The following ALK variants were observed in gnomAD, a reference collection of about 807,000 sequenced individuals.
The protein encoded by ALK is ALK tyrosine kinase receptor.
Under a neutral mutation model 163.1 loss-of-function variants are expected in ALK, and 74 were observed. The ratio of observed to expected loss-of-function variants is 0.45; its 90% CI spans 0.38 to 0.55. The LOEUF (loss-of-function observed/expected upper bound fraction) is 0.55. Among genes scored for constraint, ALK ranks in the 20% least tolerant of loss-of-function variants. The pLI, the probability that ALK is intolerant of heterozygous loss-of-function variation, is 0.00. For missense variants in ALK, 2,063 were observed against 2,105.3 expected, an observed-to-expected ratio of 0.98 and a Z score of 0.39; for synonymous variants, 960 against 843.2, an observed-to-expected ratio of 1.14 and a Z score of -2.40.
chr2:29,643,981 A>T (rs1676797031), intron 3 of ALK, among the ~76,000 whole-genome samples: 1 of 152,104 alleles, frequency 6.6e-6, no homozygotes, highest in South Asian at 2.1e-4. Context: ...CACAACAGCA[A>T]AGACTTGGAA....
chr2:29,559,920 A>G (rs1673974831), intron 3 of ALK, among the ~76,000 whole-genome samples: 1 of 152,170 alleles, frequency 6.6e-6, no homozygotes, highest in African/African-American at 2.4e-5. Flanking sequence ...TTAAACATTT[A>G]AAATGTGGCT....
chr2:29,204,155 T>C (rs1426712773), intron 26 of ALK, among the ~76,000 whole-genome samples: 1 of 152,134 alleles, frequency 6.6e-6, no homozygotes, highest in Non-Finnish European at 1.5e-5. Context: ...ATACACGGAG[T>C]TCTCCTATAC....
At chr2:29,665,578 T>C (rs1677489829) in intron 3 of ALK, among the ~76,000 whole-genome samples, 1 of 151,978 alleles carries the variant, frequency 6.6e-6, no homozygotes, top group African/African-American at 2.4e-5. Flanking sequence ...TGTGAGTTCT[T>C]GGTGGGCTCC....
chr2:29,858,630 C>T (rs1666205807), intron 1 of ALK, among the ~76,000 whole-genome samples: 2 of 152,022 alleles, frequency 1.3e-5, no homozygotes, highest in African/African-American at 2.4e-5. Context: ...GTAGTCCCAG[C>T]TATGCCAGAG....
intron 4 of ALK, among the ~76,000 whole-genome samples, chr2:29,388,617 G>A (rs913040625): frequency 1.1e-4 from 16 of 152,172 alleles, no homozygotes; most frequent in African/African-American, 3.9e-4. Flanking sequence ...AAGGATTTTT[G>A]AGAAGGATGC....
At chr2:29,845,337 T>C (rs1665814788) in intron 1 of ALK, among the ~76,000 whole-genome samples, 2 of 152,246 alleles carry the variant, frequency 1.3e-5, no homozygotes. Context: ...ATAGGGACTC[T>C]GTAAATAAAT....
intron 2 of ALK, among the ~76,000 whole-genome samples, chr2:29,714,892 C>G (rs990773255): frequency 6.6e-6 from 1 of 152,156 alleles, no homozygotes; most frequent in Non-Finnish European, 1.5e-5. Context: ...CTTAAGGGGA[C>G]CAGACTCTTG....
At chr2:29,232,626 C>T (rs1444972204) in intron 14 of ALK, among the ~76,000 whole-genome samples, 178 bp from the exon 15 acceptor site, 1 of 152,226 alleles carries the variant, frequency 6.6e-6, no homozygotes, top group Non-Finnish European at 1.5e-5. Flanking sequence ...CCCATCGGCT[C>T]CGCCAGCTTC....
At chr2:29,360,400 G>A (rs1304486549) in intron 5 of ALK, among the ~76,000 whole-genome samples, 2 of 152,142 alleles carry the variant, frequency 1.3e-5, no homozygotes, top group Non-Finnish European at 2.9e-5. Flanking sequence ...CCTGTCCCTG[G>A]TCTAGCCTCT....
chr2:29,798,825 A>T (rs1664390149), intron 1 of ALK, among the ~76,000 whole-genome samples: 1 of 152,190 alleles, frequency 6.6e-6, no homozygotes, highest in Non-Finnish European at 1.5e-5. Context: ...CGTTCTGGAG[A>T]ATTTTCCTGG....
chr2:29,416,033 C>G (rs911878582), intron 4 of ALK, among the ~76,000 whole-genome samples: 2 of 152,206 alleles, frequency 1.3e-5, no homozygotes, highest in Non-Finnish European at 2.9e-5. Context: ...ATTAAACCAC[C>G]AGTTTTCCTG....
chr2:29,841,976 C>T (rs1170890211), intron 1 of ALK, among the ~76,000 whole-genome samples: 3 of 152,008 alleles, frequency 2.0e-5, no homozygotes, highest in Non-Finnish European at 4.4e-5. Flanking sequence ...CTAACGTTCC[C>T]TTCTCCTTTC....
At chr2:29,242,984 G>T (rs1664562972) in intron 12 of ALK, among the ~76,000 whole-genome samples, 1 of 152,210 alleles carries the variant, frequency 6.6e-6, no homozygotes, top group Non-Finnish European at 1.5e-5. Flanking sequence ...AGTCCTAGAA[G>T]GAGTAGCTCC....
chr2:29,574,938 G>T (rs1295517059), intron 3 of ALK, among the ~76,000 whole-genome samples: 1 of 152,170 alleles, frequency 6.6e-6, no homozygotes, highest in Non-Finnish European at 1.5e-5. Context: ...GTGAAACCAG[G>T]TGTTACATTA....
At chr2:29,766,324 C>G (rs1390953645) in intron 1 of ALK, among the ~76,000 whole-genome samples, 1 of 152,198 alleles carries the variant, frequency 6.6e-6, no homozygotes, top group Non-Finnish European at 1.5e-5. Flanking sequence ...ACCCTTCAGG[C>G]TGCTTAGGAT....
At chr2:29,452,270 C>T (rs1390872416) in intron 4 of ALK, among the ~76,000 whole-genome samples, 4 of 151,958 alleles carry the variant, frequency 2.6e-5, no homozygotes, top group Admixed American at 2.6e-4. Flanking sequence ...GGCTTCAAGG[C>T]TTTTGCTGTT....
At chr2:29,518,915 C>G (rs1672741932) in intron 4 of ALK, among the ~76,000 whole-genome samples, 1 of 152,150 alleles carries the variant, frequency 6.6e-6, no homozygotes, top group African/African-American at 2.4e-5. Flanking sequence ...TATGCATTAT[C>G]ATAGTACTAC....
chr2:29,623,694 T>C (rs116564893), intron 3 of ALK, among the ~76,000 whole-genome samples: 223 of 152,328 alleles, frequency 1.5e-3, no homozygotes, highest in African/African-American at 5.1e-3. Context: ...TGTAATGATA[T>C]AAAATTCATC....
intron 3 of ALK, among the ~76,000 whole-genome samples, chr2:29,616,698 C>A (rs1368006888): frequency 6.6e-6 from 1 of 152,224 alleles, no homozygotes; most frequent in Non-Finnish European, 1.5e-5. Flanking sequence ...CCTCCTAACT[C>A]TGTCTTACAA....
Sources: gnomAD v4.1 joint callset for allele counts (sites outside exome capture counted in the v4.1 genomes callset) on GRCh38, gnomAD v4.1.1 for gene constraint, MANE v1.5 for transcripts, NCBI Gene and HGNC (gene_info 2026-07-23, HGNC 2026-07-21) for gene names.